ANO3: variants seen among roughly 807,000 people sequenced by gnomAD.
The protein encoded by ANO3 is anoctamin-3.
A neutral mutation model predicts 144.8 loss-of-function variants in ANO3; 99 were observed. That is an observed-to-expected ratio of 0.68 (90% CI 0.58 to 0.81). The LOEUF is 0.81. ANO3 is among the 30% of genes least tolerant of loss of function. The probability of loss-of-function intolerance (pLI) is 0.00; values close to 1 mark genes in which losing one functional copy is unlikely to be tolerated. For synonymous variants in ANO3, 414 were observed against 392.6 expected, an observed-to-expected ratio of 1.05 and a Z score of -0.64; for missense variants, 905 against 1,202.2, an observed-to-expected ratio of 0.75 and a Z score of 3.66.
chr11:26,592,041 G>A (rs1851468801), intron 14 of ANO3, among the ~76,000 whole-genome samples: 1 of 152,160 alleles, frequency 6.6e-6, no homozygotes, highest in Admixed American at 6.5e-5. Context: ...TCCTCTCAGG[G>A]ACAGGTTCCC....
At chr11:26,563,953 A>G (rs1378919116) in intron 14 of ANO3, among the ~76,000 whole-genome samples, 1 of 151,920 alleles carries the variant, frequency 6.6e-6, no homozygotes, top group Non-Finnish European at 1.5e-5. Flanking sequence ...GAAATTTAGT[A>G]CATTTCTCTT....
intron 1 of ANO3, among the ~76,000 whole-genome samples, chr11:26,343,880 C>A (rs1471492167): frequency 2.0e-5 from 3 of 152,114 alleles, no homozygotes; most frequent in African/African-American, 7.2e-5. Flanking sequence ...AATCTACCTC[C>A]CTCCCACTTT....
At chr11:26,295,009 CT>C (rs952448389) in intron 1 of ANO3, among the ~76,000 whole-genome samples, 2 of 152,088 alleles carry the variant, frequency 1.3e-5, no homozygotes, top group African/African-American at 4.8e-5. Context: ...AGCGATTCCC[CT>C]GCCTCAGCCT....
intron 1 of ANO3, among the ~76,000 whole-genome samples, chr11:26,315,885 G>A (rs1854614912): frequency 6.6e-6 from 1 of 152,064 alleles, no homozygotes; most frequent in African/African-American, 2.4e-5. Context: ...GTTTGATAGA[G>A]GGAAAGATAA....
At chr11:26,640,852 A>G (rs779833337) in intron 21 of ANO3, among the ~76,000 whole-genome samples, 2 of 152,164 alleles carry the variant, frequency 1.3e-5, no homozygotes, top group Admixed American at 6.5e-5. Flanking sequence ...AAAACTTTAA[A>G]CAGAACCTAA....
At chr11:26,514,694 C>G (rs1861796201) in intron 5 of ANO3, among the ~76,000 whole-genome samples, 1 of 152,034 alleles carries the variant, frequency 6.6e-6, no homozygotes, top group South Asian at 2.1e-4. Flanking sequence ...ACGATGATTT[C>G]AAACGAAGGA....
chr11:26,570,758 A>T (rs1377735052), intron 14 of ANO3, among the ~76,000 whole-genome samples: 2 of 152,190 alleles, frequency 1.3e-5, no homozygotes, highest in Admixed American at 6.6e-5. Flanking sequence ...TGTAGCTAAC[A>T]TCTCAGGAAG....
chr11:26,262,444 T>A (rs1053893420), intron 1 of ANO3, among the ~76,000 whole-genome samples: 8 of 152,120 alleles, frequency 5.3e-5, no homozygotes, highest in African/African-American at 1.2e-4. Context: ...TGCATTAAAT[T>A]TGATGTTATA....
intron 17 of ANO3, among the ~76,000 whole-genome samples, chr11:26,602,541 A>G (rs1235725041): frequency 6.6e-6 from 1 of 151,846 alleles, no homozygotes; most frequent in Non-Finnish European, 1.5e-5. Flanking sequence ...AGCCCGGGCA[A>G]CATAGTGAGA....
Position 26,255,793 on chromosome 11 carries a change from T to C in ANO3, c.155-53852T>C, listed in dbSNP as rs141885658. Reference sequence around the variant, plus strand: ...GTTCCTGGAGCAAACAACTAAATCATGATGCTCTACAGTCTTATCTAAGCC... The same window carrying C: ...GTTCCTGGAGCAAACAACTAAATCACGATGCTCTACAGTCTTATCTAAGCC... On this transcript the variant is annotated intron_variant, in intron 1 of 27. Transcript: ENST00000672621. Among the ~76,000 whole-genome samples, 110 of 152,284 alleles carry C rather than the reference T, an allele frequency of 7.2e-4. 1 individual carries two copies. Among genetic ancestry groups the C allele is most frequent in the African/African-American group, 2.4e-3 (101 of 41,578 alleles).
intron 1 of ANO3, among the ~76,000 whole-genome samples, chr11:26,417,149 A>G (rs1857613349): frequency 6.6e-6 from 1 of 152,138 alleles, no homozygotes; most frequent in Non-Finnish European, 1.5e-5. Flanking sequence ...GAATCCAATG[A>G]TATGTTATCT....
At chr11:26,588,556 G>A (rs1221788402) in intron 14 of ANO3, among the ~76,000 whole-genome samples, 1 of 152,108 alleles carries the variant, frequency 6.6e-6, no homozygotes, top group Non-Finnish European at 1.5e-5. Context: ...CCAAATTCAA[G>A]ATTACCTTTA....
chr11:26,582,625 C>G (rs189785339), intron 14 of ANO3, among the ~76,000 whole-genome samples: 1 of 152,172 alleles, frequency 6.6e-6, no homozygotes, highest in African/African-American at 2.4e-5. Flanking sequence ...CCTGAATATA[C>G]TGCTCAAGAA....
intron 1 of ANO3, among the ~76,000 whole-genome samples, chr11:26,311,307 A>G (rs977281518): frequency 6.6e-5 from 10 of 152,208 alleles, no homozygotes; most frequent in African/African-American, 2.4e-4. Context: ...TGAGGACTAG[A>G]CATGTGAAGT....
chr11:26,384,810 T>C (rs969889063), intron 1 of ANO3, among the ~76,000 whole-genome samples: 1 of 152,220 alleles, frequency 6.6e-6, no homozygotes, highest in Non-Finnish European at 1.5e-5. Flanking sequence ...TACTGTTCCT[T>C]TCACAAAAGT....
At chr11:26,367,973 T>C (rs1856140613) in intron 1 of ANO3, among the ~76,000 whole-genome samples, 1 of 152,146 alleles carries the variant, frequency 6.6e-6, no homozygotes, top group South Asian at 2.1e-4. Flanking sequence ...TCCACCCCCA[T>C]GATTCAAATC....
intron 1 of ANO3, among the ~76,000 whole-genome samples, chr11:26,269,494 C>A (rs1003496826): frequency 6.6e-6 from 1 of 152,208 alleles, no homozygotes; most frequent in Admixed American, 6.5e-5. Context: ...TAGCGTTACT[C>A]CATGGGGGAA....
chr11:26,562,425 T>C (rs1347517228), intron 14 of ANO3, among the ~76,000 whole-genome samples: 1 of 151,902 alleles, frequency 6.6e-6, no homozygotes, highest in African/African-American at 2.4e-5. Flanking sequence ...AGAAAACACA[T>C]ATTTTTTTCC....
At chr11:26,417,701 A>G (rs1234209069) in intron 1 of ANO3, among the ~76,000 whole-genome samples, 1 of 150,888 alleles carries the variant, frequency 6.6e-6, no homozygotes, top group Non-Finnish European at 1.5e-5. Context: ...GGTGAATGTA[A>G]AGTATTATGT....
Sources: allele counts gnomAD v4.1 joint callset (sites outside exome capture counted in the v4.1 genomes callset), GRCh38; gene constraint gnomAD v4.1.1; transcripts MANE v1.5; gene names NCBI Gene and HGNC (gene_info 2026-07-23, HGNC 2026-07-21).